The following R3HDM2 variants were observed in gnomAD, a reference collection of about 807,000 sequenced individuals.
The protein encoded by R3HDM2 is R3H domain containing 2.
R3HDM2 carries 38 observed loss-of-function variants against 124.5 expected under a neutral mutation model. The ratio of observed to expected loss-of-function variants is 0.31; its 90% CI spans 0.24 to 0.40. The LOEUF (loss-of-function observed/expected upper bound fraction) is 0.40, where lower values mean the gene tolerates loss of function less well. Among genes scored for constraint, R3HDM2 ranks in the 10% least tolerant of loss-of-function variants. The probability of loss-of-function intolerance (pLI) is 1.00; values close to 1 mark genes in which losing one functional copy is unlikely to be tolerated. For missense variants in R3HDM2, 869 were observed against 1,236.9 expected (o/e 0.70, Z 4.46); for synonymous variants, 391 against 448.0 (o/e 0.87, Z 1.61).
At chr12:57,405,606 C>G (rs1271243987) in intron 1 of R3HDM2, among the ~76,000 whole-genome samples, 1 of 152,102 alleles carries the variant, frequency 6.6e-6, no homozygotes, top group Non-Finnish European at 1.5e-5. Context: ...TGCACTACAG[C>G]CTCGGTGACA....
intron 2 of R3HDM2, among the ~76,000 whole-genome samples, chr12:57,370,595 G>A (rs1239120774): frequency 2.0e-5 from 3 of 151,948 alleles, no homozygotes; most frequent in Non-Finnish European, 2.9e-5. Context: ...AGCCAAGATC[G>A]CGCCATTGCA....
chr12:57,332,002 A>G (rs2136641575), intron 2 of R3HDM2, among the ~76,000 whole-genome samples: 1 of 151,848 alleles, frequency 6.6e-6, no homozygotes, highest in South Asian at 2.1e-4. Flanking sequence ...AGGTAGCAGG[A>G]TCATTTGAGC....
intron 2 of R3HDM2, among the ~76,000 whole-genome samples, chr12:57,340,521 C>A (rs968413535): frequency 6.6e-6 from 1 of 152,032 alleles, no homozygotes; most frequent in Non-Finnish European, 1.5e-5. Context: ...CCCCACCCCC[C>A]AAAAATAGAT....
At chr12:57,372,143 A>G (rs1230624560) in intron 2 of R3HDM2, among the ~76,000 whole-genome samples, 1 of 152,196 alleles carries the variant, frequency 6.6e-6, no homozygotes, top group African/African-American at 2.4e-5. Flanking sequence ...CTGGGATTAC[A>G]GGTGTGAGCC....
chr12:57,374,344 A>G (rs2063751847), intron 2 of R3HDM2, among the ~76,000 whole-genome samples: 1 of 151,732 alleles, frequency 6.6e-6, no homozygotes, highest in South Asian at 2.1e-4. Context: ...TCTGATGAAT[A>G]GTGTGTGGCT....
intron 21 of R3HDM2, among the ~76,000 whole-genome samples, chr12:57,256,768 A>G (rs1243425341): frequency 1.3e-5 from 2 of 151,990 alleles, no homozygotes; most frequent in Non-Finnish European, 2.9e-5. Context: ...CAACAGTCCT[A>G]TGAAAATGAC....
chr12:57,302,667 CAAAAAAAA>C (rs756266164), intron 4 of R3HDM2, among the ~76,000 whole-genome samples: 2 of 39,798 alleles, frequency 5.0e-5, no homozygotes, highest in Admixed American at 2.8e-4. Flanking sequence ...AATTCCGTCT[CAAAAAAAA>C]AAAAAAAAAA....
chr12:57,364,037 T>C (rs1167158403), intron 2 of R3HDM2, among the ~76,000 whole-genome samples: 2 of 152,252 alleles, frequency 1.3e-5, no homozygotes, highest in East Asian at 1.9e-4. Flanking sequence ...TTTAATGTTA[T>C]CAGAATCATT....
intron 2 of R3HDM2, among the ~76,000 whole-genome samples, chr12:57,340,585 T>C (rs1021375502): frequency 6.6e-6 from 1 of 152,148 alleles, no homozygotes; most frequent in Non-Finnish European, 1.5e-5. Flanking sequence ...AATTGAACTA[T>C]CATAGAAAAA....
At chr12:57,374,178 C>T (rs954384931) in intron 2 of R3HDM2, among the ~76,000 whole-genome samples, 8 of 151,802 alleles carry the variant, frequency 5.3e-5, no homozygotes, top group Admixed American at 2.0e-4. Context: ...AATGAAAATA[C>T]GATGTAATAA....
chr12:57,347,658 GGAAAA>G (rs1330329107), intron 2 of R3HDM2, among the ~76,000 whole-genome samples: 3 of 152,074 alleles, frequency 2.0e-5, no homozygotes, highest in African/African-American at 7.2e-5. Context: ...CTGTCTACAA[GGAAAA>G]GAAAAGAAAA....
intron 1 of R3HDM2, among the ~76,000 whole-genome samples, chr12:57,417,995 T>C (rs2069815074): frequency 6.6e-6 from 1 of 152,158 alleles, no homozygotes; most frequent in African/African-American, 2.4e-5. Context: ...CTATCACAGA[T>C]TAAACCTTCT....
chr12:57,336,995 T>A (rs2058936506), intron 2 of R3HDM2, among the ~76,000 whole-genome samples: 1 of 152,194 alleles, frequency 6.6e-6, no homozygotes, highest in African/African-American at 2.4e-5. Flanking sequence ...AGTCTAGATC[T>A]CATGTGTTAG....
chr12:57,258,128 G>T lies in R3HDM2; in HGVS notation c.2311C>A (p.Gln771Lys), dbSNP rs1157769642. 3 of 1,558,288 alleles carry T rather than the reference G, an allele frequency of 1.9e-6. No individual in the cohort carries two copies. Among genetic ancestry groups the T allele is most frequent in the Admixed American group, 3.8e-5 (2 of 51,954 alleles). The change falls in exon 21 of 24, where the codon CAA becomes AAA. Residue 771 changes from glutamine (Q) to lysine (K), a missense_variant. Around this residue, in one of 2 missense-constraint regions of R3HDM2, gnomAD observed 602 missense variants for 789.2 expected, o/e 0.76. Coordinates refer to ENST00000402412, the MANE Select transcript of R3HDM2 (RefSeq NM_001394031.1). The part of the protein sequence containing the change: ...SPDSSPQANT[Q>K]MSSSPVTSPT... ...GATGTGACAGGGCTGCTGCTCATTT[G>T]TGTGTTGGCCTGTGGAAAAGAGGAG... is the stretch of plus-strand genomic sequence containing the variant.
chr12:57,282,929 G>A (rs974043247), intron 13 of R3HDM2, among the ~76,000 whole-genome samples: 7 of 152,144 alleles, frequency 4.6e-5, no homozygotes, highest in African/African-American at 1.7e-4. Flanking sequence ...ATGAAATAGA[G>A]GTCTAAATGC....
chr12:57,279,516 AC>A (rs1397034191), intron 14 of R3HDM2, among the ~76,000 whole-genome samples: 1 of 150,538 alleles, frequency 6.6e-6, no homozygotes, highest in Non-Finnish European at 1.5e-5. Context: ...CACCTTAATG[AC>A]AATGGCCAGG....
In R3HDM2 at chr12:57,296,622, C is replaced by T. The variant is rs2049939763; in HGVS notation, c.561-71G>A. On this transcript the variant is annotated intron_variant, in intron 8 of 23. Coordinates refer to ENST00000402412, the MANE Select transcript of R3HDM2 (RefSeq NM_001394031.1). The surrounding 1 kb of genome is among the most constrained non-coding windows in gnomAD (Gnocchi z 4.5). ...GCAATAACAACCAATTTTAATTTTT[C>T]TTACAAGTGTCTAAAGTGGAAAGTT... is the stretch of plus-strand genomic sequence containing the variant. The T allele has an allele frequency of 1.1e-5, 16 of 1,463,586 alleles. No homozygotes were observed. Among genetic ancestry groups the T allele is most frequent in the Non-Finnish European group, 1.5e-5 (16 of 1,077,830 alleles). 90.7% of individuals were successfully genotyped at this position (1,463,586 alleles called of 1,614,324 possible).
intron 21 of R3HDM2, among the ~76,000 whole-genome samples, 184 bp downstream of exon 21, chr12:57,257,806 T>C (rs998754816): frequency 2.0e-5 from 3 of 152,234 alleles, no homozygotes; most frequent in Non-Finnish European, 2.9e-5. Context: ...AAGTTAAGCA[T>C]GGACAGCACT....
chr12:57,366,113 T>A lies in R3HDM2; in HGVS notation c.-36+29636A>T, dbSNP rs138742203. Among the ~76,000 whole-genome samples the A allele has an allele frequency of 1.5e-4, 23 of 152,248 alleles. 1 individual carries two copies. In the East Asian group the frequency reaches 4.4e-3, roughly 29 times the overall value. ...ACACATATTTTTAGACTGCTTGATG[T>A]TGTTCCACTGCTCACTGACACTCTT... is the stretch of plus-strand genomic sequence containing the variant. On this transcript the variant is annotated intron_variant, in intron 2 of 23. Transcript: ENST00000402412.
Sources: allele counts gnomAD v4.1 joint callset (sites outside exome capture counted in the v4.1 genomes callset), GRCh38; gene constraint gnomAD v4.1.1; regional missense constraint gnomAD v4.1.1; non-coding constraint Gnocchi (gnomAD v3.1); transcripts MANE v1.5; gene names NCBI Gene and HGNC (gene_info 2026-07-23, HGNC 2026-07-21).